Variants in COL28A1 observed in about 807,000 individuals in gnomAD.
COL28A1 encodes collagen type XXVIII alpha 1 chain, also known as collagen alpha-1(XXVIII) chain.
In COL28A1, 161 loss-of-function variants were observed where a neutral mutation model predicts 150.2. The ratio of observed to expected loss-of-function variants is 1.07; its 90% CI spans 0.94 to 1.22. The LOEUF is 1.22. COL28A1 is among the 50% of genes most tolerant of loss of function. The pLI is 0.00. For synonymous variants in COL28A1, 552 were observed against 469.7 expected, an observed-to-expected ratio of 1.18 and a Z score of -2.26; for missense variants, 1,617 against 1,388.3, an observed-to-expected ratio of 1.16 and a Z score of -2.62.
chr7:7,436,693 T>G (rs752448100), intron 22 of COL28A1, among the ~76,000 whole-genome samples: 1 of 152,206 alleles, frequency 6.6e-6, no homozygotes, highest in African/African-American at 2.4e-5. Context: ...AAATAATATG[T>G]GGCAATTCAG....
At chr7:7,361,806 G>A (rs1780678545) in intron 33 of COL28A1, among the ~76,000 whole-genome samples, 1 of 149,926 alleles carries the variant, frequency 6.7e-6, no homozygotes, top group Non-Finnish European at 1.5e-5. Flanking sequence ...TGATAGACTG[G>A]ATAAAGAAAA....
chr7:7,532,644 TG>T (rs879612368), intron 2 of COL28A1, 107 bp downstream of exon 2: 27 of 1,353,102 alleles, frequency 2.0e-5, no homozygotes, highest in Non-Finnish European at 2.6e-5. Flanking sequence ...GACTATCACA[TG>T]TATACATGTA....
intron 20 of COL28A1, among the ~76,000 whole-genome samples, chr7:7,442,770 C>A (rs1460665194): frequency 6.6e-6 from 1 of 152,158 alleles, no homozygotes. Flanking sequence ...GGCGCGGTGG[C>A]TCACACCCAT....
At chr7:7,354,265 A>G (rs1780298542), downstream of COL28A1, among the ~76,000 whole-genome samples, 1 of 152,102 alleles carries the variant, frequency 6.6e-6, no homozygotes, top group South Asian at 2.1e-4. Context: ...AAGTGCTGCG[A>G]TTACAGGCAT....
rs776994658 is a variant in COL28A1 at position 7,521,925 on chromosome 7, G to T, written c.739C>A (p.Pro247Thr). 8.7e-7 allele frequency: 1 copy of T among 1,153,442 alleles called. No homozygotes were observed. The highest frequency in any genetic ancestry group is 1.2e-5 in the South Asian group (1 of 81,940). The allele number at this position is 1,153,442 out of a possible 1,614,324, so 71.5% of individuals were successfully genotyped here. Residue 247 changes from proline to threonine, a missense_variant, in exon 5 of 35, where the codon CCA becomes ACA. Transcript: ENST00000399429. ...RKICECEKGD[P>T]GDPGPPGTHG... Reference sequence around the variant, plus strand: ...CTCACAGGAGGCCCTGGATCACCTGGATCTCCCTTCTCACATTCACAAATC... The same window carrying T: ...CTCACAGGAGGCCCTGGATCACCTGTATCTCCCTTCTCACATTCACAAATC...
At chr7:7,527,200 G>A (rs952457744) in intron 3 of COL28A1, among the ~76,000 whole-genome samples, 3 of 152,290 alleles carry the variant, frequency 2.0e-5, no homozygotes, top group East Asian at 1.9e-4. Context: ...AGATAAGACT[G>A]TTTCAAACAA....
At position 7,466,760 on chromosome 7, in the gene COL28A1, G is replaced by A. The variant is rs1321550847; in HGVS notation, c.1302+7841C>T. 1.6e-3 allele frequency among the ~76,000 whole-genome samples: 8 copies of A among 5,008 alleles called. No individual in the cohort carries two copies. In the African/African-American group the frequency reaches 0.019, roughly 12 times the overall value. The allele number at this position is 5,008 out of a possible 152,430, so 3.3% of individuals were successfully genotyped here. A position where few individuals can be genotyped will look rare whatever the true frequency, so the allele number is the denominator to read the frequency against. On this transcript the variant is annotated intron_variant, in intron 15 of 34. Transcript: ENST00000399429. ...CCATCAGACTAACAGCGGATCTCTC[G>A]GCAGAAACCCTACAAGCCAGAAGAG...
In COL28A1 at chr7:7,452,353, C is replaced by T. The variant is rs1352027854; in HGVS notation, c.1475G>A (p.Arg492Gln). The T allele has an allele frequency of 1.9e-6, 3 of 1,606,016 alleles. No homozygotes were observed. Among genetic ancestry groups the T allele is most frequent in the East Asian group, 2.2e-5 (1 of 44,658 alleles). Residue 492 changes from arginine to glutamine, a missense_variant, in exon 18 of 35, where the codon CGA (arginine) becomes CAA (glutamine). Physicochemically the swap from Arg to Gln is conservative, Grantham distance 43 (BLOSUM62 1). Coordinates refer to ENST00000399429, the MANE Select transcript of COL28A1 (RefSeq NM_001037763.3). ...EVGQMGPTGP[R>Q]GPVGIGVQGP... is the part of the protein sequence containing the mutation. ...TTGTACTCCAATTCCCACTGGTCCT[C>T]GAGGGCCTGTAGGTCCCATTTGGCC...
chr7:7,411,152 G>T (rs895151716), intron 27 of COL28A1, among the ~76,000 whole-genome samples: 2 of 152,128 alleles, frequency 1.3e-5, no homozygotes, highest in African/African-American at 4.8e-5. Flanking sequence ...GAAGCCAGAG[G>T]TAGCAAAGAC....
intron 11 of COL28A1, among the ~76,000 whole-genome samples, chr7:7,497,115 A>AAGGAAGGG (rs1780261219): frequency 2.0e-5 from 3 of 150,990 alleles, no homozygotes; most frequent in East Asian, 3.9e-4. Context: ...GGAAGGAAGG[A>AAGGAAGGG]AGGAAGGAAG....
intron 15 of COL28A1, among the ~76,000 whole-genome samples, chr7:7,465,343 C>T (rs370908239): frequency 0.037 from 5,278 of 141,200 alleles, 284 homozygotes; most frequent in African/African-American, 0.12. Context: ...AAAGGGGTGA[C>T]GGACGCACCT....
chr7:7,436,366 A>G, intron 23 of COL28A1, 29 bp downstream of exon 23: 2 of 1,063,534 alleles, frequency 1.9e-6, no homozygotes, highest in Non-Finnish European at 3.0e-6. Context: ...CAGATACAGA[A>G]AAACAAAAAG....
At chr7:7,532,954 G>A (rs1782453399) in intron 1 of COL28A1, 42 bp from the exon 2 acceptor site, 3 of 1,422,468 alleles carry the variant, frequency 2.1e-6, no homozygotes, top group Middle Eastern at 2.2e-4. Flanking sequence ...AATAAAATAT[G>A]GTGTTTGTTA....
chr7:7,532,832 G>A lies in COL28A1; in HGVS notation c.44C>T (p.Ala15Val), dbSNP rs756091636. Residue 15 changes from alanine to valine, a missense_variant, in exon 2 of 35, where the codon GCG (alanine) becomes GTG (valine). Coordinates refer to ENST00000399429, the MANE Select transcript of COL28A1 (RefSeq NM_001037763.3). ...TCCGGATACTGTTTGACTCGTAAAC[G>A]CTGACAAAAGCAGGAGATAGAAGAC... ...YFVFYLLLLSAFTSQTVSGQR... is the reference protein window; with the variant it reads ...YFVFYLLLLSVFTSQTVSGQR... 20 of 1,611,362 alleles carry A rather than the reference G, an allele frequency of 1.2e-5. No individual in the cohort carries two copies. Among genetic ancestry groups the A allele is most frequent in the South Asian group, 7.7e-5 (7 of 90,456 alleles).
At chr7:7,383,250 T>TTGTGTG (rs368714766) in intron 27 of COL28A1, among the ~76,000 whole-genome samples, 19 of 107,142 alleles carry the variant, frequency 1.8e-4, no homozygotes, top group African/African-American at 4.5e-4. Flanking sequence ...CTTTTTTTTG[T>TTGTGTG]TGTGTGTGTG....
intron 11 of COL28A1, among the ~76,000 whole-genome samples, chr7:7,502,418 A>G (rs568687414): frequency 4.6e-4 from 70 of 152,314 alleles, no homozygotes; most frequent in Admixed American, 3.4e-3. Flanking sequence ...GACTTAACAC[A>G]TGCATTTTTT....
intron 14 of COL28A1, among the ~76,000 whole-genome samples, chr7:7,476,414 T>C (rs1453013084): frequency 6.6e-6 from 1 of 152,218 alleles, no homozygotes; most frequent in Non-Finnish European, 1.5e-5. Context: ...ACTGCCTGTT[T>C]TTATATTATA....
At position 7,373,519 on chromosome 7, in the gene COL28A1, G is replaced by A. The variant is rs372070313; in HGVS notation, c.2387C>T (p.Pro796Leu). 48 of 1,612,490 alleles carry A rather than the reference G, an allele frequency of 3.0e-5. No individual in the cohort carries two copies. The African/African-American group carries it at 4.3e-4, about 14-fold the overall frequency. Residue 796 changes from proline (P) to leucine (L), a missense_variant, in exon 32 of 35, where the codon CCA (proline) becomes CTA (leucine). Coordinates refer to ENST00000399429, the MANE Select transcript of COL28A1 (RefSeq NM_001037763.3). This position sits in a 1 kb window ranked among gnomAD's most constrained non-coding sequence, Gnocchi z 4.1. ...GTCGATCACAAACACCAGCTCTAGT[G>A]GAGTCTCTTTGCATTTGGGCCCACA... ...CGCGPKCKET[P>L]LELVFVIDSS...
chr7:7,361,435 T>C (rs1780650241), intron 33 of COL28A1, among the ~76,000 whole-genome samples: 1 of 152,204 alleles, frequency 6.6e-6, no homozygotes, highest in African/African-American at 2.4e-5. Context: ...CCACAATGGT[T>C]GAACTAATTT....
Sources: allele counts gnomAD v4.1 joint callset (sites outside exome capture counted in the v4.1 genomes callset), GRCh38; gene constraint gnomAD v4.1.1; non-coding constraint Gnocchi (gnomAD v3.1); transcripts MANE v1.5; gene names NCBI Gene and HGNC (gene_info 2026-07-23, HGNC 2026-07-21).